Variants in DLGAP2 observed in about 807,000 individuals in gnomAD.
DLGAP2 encodes DLG associated protein 2.
A neutral mutation model predicts 100.3 loss-of-function variants in DLGAP2; 26 were observed. That is an observed-to-expected ratio of 0.26 (90% CI 0.19 to 0.36). DLGAP2 has a LOEUF of 0.36. DLGAP2 is among the 10% of genes least tolerant of loss of function. The probability of loss-of-function intolerance (pLI) is 1.00; values close to 1 mark genes in which losing one functional copy is unlikely to be tolerated. For synonymous variants in DLGAP2, 886 were observed against 630.1 expected (o/e 1.41, Z -6.08); for missense variants, 1,858 against 1,453.2 (o/e 1.28, Z -4.53).
chr8:1,329,609 G>A (rs181232646), intron 3 of DLGAP2, among the ~76,000 whole-genome samples: 34 of 152,226 alleles, frequency 2.2e-4, no homozygotes, highest in African/African-American at 7.2e-4. Context: ...GTTCTGTGCC[G>A]GGTCCTGGGG....
At chr8:1,157,203 C>G (rs1225939019) in intron 2 of DLGAP2, among the ~76,000 whole-genome samples, 1 of 152,080 alleles carries the variant, frequency 6.6e-6, no homozygotes, top group African/African-American at 2.4e-5. Flanking sequence ...GGTTCCGTAC[C>G]CCGTGTGTGA....
At chr8:1,482,466 A>T (rs1799123798) in intron 3 of DLGAP2, among the ~76,000 whole-genome samples, 1 of 152,238 alleles carries the variant, frequency 6.6e-6, no homozygotes, top group Admixed American at 6.5e-5. Context: ...ATAATCACAG[A>T]ATGTATGGAA....
intron 6 of DLGAP2, among the ~76,000 whole-genome samples, chr8:1,607,328 G>A (rs1796832617): frequency 6.6e-6 from 1 of 152,096 alleles, no homozygotes; most frequent in East Asian, 1.9e-4. Flanking sequence ...TCATCAGTAT[G>A]GATATACTGA....
chr8:996,756 G>A (rs1439505822), intron 2 of DLGAP2, among the ~76,000 whole-genome samples: 1 of 152,130 alleles, frequency 6.6e-6, no homozygotes, highest in African/African-American at 2.4e-5. Context: ...TTGATTGCTG[G>A]CCTAGTTGAA....
At chr8:744,122 C>T (rs907102066) in intron 1 of DLGAP2, among the ~76,000 whole-genome samples, 4 of 152,192 alleles carry the variant, frequency 2.6e-5, no homozygotes, top group Admixed American at 2.0e-4. Context: ...TCGTGGTTCT[C>T]TCAGACCCAG....
At chr8:1,263,584 T>C (rs1025536457) in intron 3 of DLGAP2, among the ~76,000 whole-genome samples, 5 of 152,214 alleles carry the variant, frequency 3.3e-5, no homozygotes, top group Non-Finnish European at 5.9e-5. Context: ...ATTCAAGATT[T>C]TCCCCACAAG....
chr8:1,060,642 A>G (rs1419602038), intron 2 of DLGAP2, among the ~76,000 whole-genome samples: 4 of 152,190 alleles, frequency 2.6e-5, no homozygotes, highest in Non-Finnish European at 4.4e-5. Flanking sequence ...GTAAGATCAC[A>G]TTCTGAAGAT....
chr8:905,735 G>C (rs1798365418), intron 1 of DLGAP2, among the ~76,000 whole-genome samples: 1 of 152,154 alleles, frequency 6.6e-6, no homozygotes, highest in African/African-American at 2.4e-5. Context: ...GGGGGCGCCA[G>C]CTCCCATGGA....
intron 3 of DLGAP2, among the ~76,000 whole-genome samples, chr8:1,460,919 C>A (rs1798452694): frequency 6.6e-6 from 1 of 152,214 alleles, no homozygotes; most frequent in African/African-American, 2.4e-5. Flanking sequence ...AGAAAGGACT[C>A]TCTCCAGAGC....
chr8:1,631,590 T>C (rs1033193409), intron 7 of DLGAP2, among the ~76,000 whole-genome samples: 2 of 152,278 alleles, frequency 1.3e-5, no homozygotes, highest in East Asian at 3.9e-4. Context: ...CTCTGTCCAG[T>C]GTCAGGAATC....
Position 1,615,740 on chromosome 8 carries a change from C to T in DLGAP2, c.1443-11000C>T, listed in dbSNP as rs570592216. On this transcript the variant is annotated intron_variant, in intron 6 of 14. Transcript: ENST00000637795. Reference sequence around the variant, plus strand: ...TGAATGATATAAAAATGTTAGAACTCACCGGAAAGATCTTTAAAGCAGCCA... The same window carrying T: ...TGAATGATATAAAAATGTTAGAACTTACCGGAAAGATCTTTAAAGCAGCCA... Among the ~76,000 whole-genome samples, 25 of 151,868 alleles carry T rather than the reference C, an allele frequency of 1.6e-4. 1 individual carries two copies. In the South Asian group the frequency reaches 4.8e-3, roughly 29 times the overall value.
At chr8:1,307,744 C>T (rs1214560792) in intron 3 of DLGAP2, among the ~76,000 whole-genome samples, 1 of 152,126 alleles carries the variant, frequency 6.6e-6, no homozygotes, top group African/African-American at 2.4e-5. Flanking sequence ...GAAGACATTC[C>T]ACAAAATGAA....
intron 1 of DLGAP2, among the ~76,000 whole-genome samples, chr8:794,754 T>A (rs1268607144): frequency 6.6e-6 from 1 of 152,138 alleles, no homozygotes; most frequent in African/African-American, 2.4e-5. Context: ...ATGGCCAGAT[T>A]TTTGGGGGCC....
At chr8:1,343,190 A>G (rs1388570181) in intron 3 of DLGAP2, among the ~76,000 whole-genome samples, 1 of 152,194 alleles carries the variant, frequency 6.6e-6, no homozygotes, top group Non-Finnish European at 1.5e-5. Flanking sequence ...AGCAGTGTGC[A>G]TGGTTATGGT....
intron 2 of DLGAP2, among the ~76,000 whole-genome samples, chr8:1,189,741 A>G (rs2116725871): frequency 6.6e-6 from 1 of 152,250 alleles, no homozygotes; most frequent in East Asian, 1.9e-4. Context: ...TCCAATAGGC[A>G]TTTGTGTTCA....
intron 3 of DLGAP2, among the ~76,000 whole-genome samples, chr8:1,479,320 T>A (rs966655185): frequency 6.6e-6 from 1 of 152,216 alleles, no homozygotes. Context: ...GCAGGGATGA[T>A]TAGCCGCCTC....
At chr8:1,333,687 G>T (rs909939557) in intron 3 of DLGAP2, among the ~76,000 whole-genome samples, 3 of 152,198 alleles carry the variant, frequency 2.0e-5, no homozygotes, top group Admixed American at 6.5e-5. Context: ...CTCCAGGCAG[G>T]TCTGGACTTG....
chr8:1,349,844 A>G (rs1360436656), intron 3 of DLGAP2, among the ~76,000 whole-genome samples: 1 of 152,256 alleles, frequency 6.6e-6, no homozygotes, highest in Non-Finnish European at 1.5e-5. Flanking sequence ...TTTTGTTGCT[A>G]TATAATAAAT....
intron 1 of DLGAP2, among the ~76,000 whole-genome samples, chr8:842,266 A>C (rs1445359846): frequency 6.6e-6 from 1 of 152,158 alleles, no homozygotes; most frequent in East Asian, 1.9e-4. Flanking sequence ...ATACTCCTTG[A>C]GCGATTGTAC....
Sources: gnomAD v4.1 joint callset for allele counts (sites outside exome capture counted in the v4.1 genomes callset) on GRCh38, gnomAD v4.1.1 for gene constraint, MANE v1.5 for transcripts, NCBI Gene and HGNC (gene_info 2026-07-23, HGNC 2026-07-21) for gene names.